CLNK: variants seen among roughly 807,000 people sequenced by gnomAD.
CLNK encodes cytokine dependent hematopoietic cell linker, also known as cytokine-dependent hematopoietic cell linker.
Under a neutral mutation model 68.6 loss-of-function variants are expected in CLNK, and 74 were observed. The ratio of observed to expected loss-of-function variants is 1.08; its 90% CI spans 0.89 to 1.31. The LOEUF (loss-of-function observed/expected upper bound fraction) is 1.31, where lower values mean the gene tolerates loss of function less well. Ranked by LOEUF, CLNK falls within the 50% of genes most tolerant of loss-of-function variation. The probability of loss-of-function intolerance (pLI) is 0.00; values close to 1 mark genes in which losing one functional copy is unlikely to be tolerated. For synonymous variants in CLNK, 198 were observed against 172.2 expected (o/e 1.15, Z -1.17); for missense variants, 553 against 515.3 (o/e 1.07, Z -0.71).
At chr4:10,555,449 T>C (rs902562948) in intron 8 of CLNK, among the ~76,000 whole-genome samples, 2 of 152,252 alleles carry the variant, frequency 1.3e-5, no homozygotes, top group Admixed American at 6.5e-5. Context: ...TCTAGATCTA[T>C]GGTTAATGCT....
At chr4:10,727,701 G>T in the CLNK span, among the ~76,000 whole-genome samples, 4 of 152,182 alleles carry the variant, frequency 2.6e-5, no homozygotes, top group Non-Finnish European at 4.4e-5. Flanking sequence ...TGAGAAGAGG[G>T]AAGTGGAGAC....
intron 7 of CLNK, 80 bp downstream of exon 7, chr4:10,564,591 G>T: frequency 1.1e-6 from 1 of 946,984 alleles, no homozygotes; most frequent in Non-Finnish European, 1.7e-6. Context: ...ATGGCCTGGG[G>T]GACAGGAGAT....
chr4:10,606,509 A>G (rs1471173701), intron 2 of CLNK, among the ~76,000 whole-genome samples: 1 of 152,210 alleles, frequency 6.6e-6, no homozygotes, highest in Non-Finnish European at 1.5e-5. Flanking sequence ...TATATAAACC[A>G]GTAACATAGT....
Position 10,489,669 on chromosome 4 carries a change from C to CTTTTTTTTTTTTTTTTTTTT in CLNK, c.*797_*798insAAAAAAAAAAAAAAAAAAAA. On this transcript the variant is annotated 3_prime_UTR_variant, in exon 19 of 19. Transcript: ENST00000226951. ...GAGCTAATATTCACCAACCCAACAC[C>CTTTTTTTTTTTTTTTTTTTT]TTTTTTTTTTTTTGAGACGGAGTCT... 2.1e-4 allele frequency: 13 copies of CTTTTTTTTTTTTTTTTTTTT among 62,328 alleles called. 1 individual carries two copies. The highest frequency in any genetic ancestry group is 3.0e-4 in the Non-Finnish European group (8 of 26,728). 3.9% of individuals were successfully genotyped at this position (62,328 alleles called of 1,614,324 possible).
In CLNK at chr4:10,597,992, A is replaced by G; in HGVS notation, c.69T>C (p.Ser23=). ...AATATTCTGACCTGTTTTTTGGCAGACTGAAGTTCTGGAATTTCAAATCGT... is the reference window on the plus strand; with the variant it reads ...AATATTCTGACCTGTTTTTTGGCAGGCTGAAGTTCTGGAATTTCAAATCGT... ...GSNDLKFQNF[S]LPKNRSWPRI... The change falls in exon 3 of 19, where the codon AGT becomes AGC. Residue 23 remains serine, a synonymous_variant. Transcript: ENST00000226951. 1 of 1,583,800 alleles carries G rather than the reference A, an allele frequency of 6.3e-7. No homozygotes were observed. Among genetic ancestry groups the G allele is most frequent in the Non-Finnish European group, 8.6e-7 (1 of 1,162,858 alleles).
At chr4:10,494,818 G>A (rs1353747123) in intron 18 of CLNK, among the ~76,000 whole-genome samples, 1 of 152,152 alleles carries the variant, frequency 6.6e-6, no homozygotes, top group East Asian at 1.9e-4. Context: ...TTGCCCTGAA[G>A]AGACTTTTTA....
At chr4:10,520,769 A>G (rs1010433803) in intron 15 of CLNK, 22 bp downstream of exon 15, 4 of 1,584,568 alleles carry the variant, frequency 2.5e-6, no homozygotes, top group East Asian at 2.2e-5. Context: ...TGTTTATTTT[A>G]TAATTCTGAA....
At chr4:10,512,173 A>G (rs1164273013) in intron 16 of CLNK, among the ~76,000 whole-genome samples, 2 of 152,162 alleles carry the variant, frequency 1.3e-5, no homozygotes, top group Non-Finnish European at 2.9e-5. Context: ...GTTTACGAAG[A>G]AGATGAAAGA....
At chr4:10,594,279 C>T (rs566146633) in intron 3 of CLNK, among the ~76,000 whole-genome samples, 94 of 152,308 alleles carry the variant, frequency 6.2e-4, no homozygotes, top group African/African-American at 2.2e-3. Flanking sequence ...CCAATCTCCC[C>T]CCATCCTCTG....
intron 2 of CLNK, among the ~76,000 whole-genome samples, chr4:10,607,666 G>T (rs907480615): frequency 1.3e-5 from 2 of 152,174 alleles, no homozygotes; most frequent in Non-Finnish European, 1.5e-5. Context: ...AGCAGCTGCA[G>T]CATTAGGGAC....
chr4:10,598,570 C>G, intron 2 of CLNK: 1 of 320,688 alleles, frequency 3.1e-6, no homozygotes, highest in Non-Finnish European at 6.2e-6. Context: ...GCAACAGCCA[C>G]TCTGATTCAA....
intron 1 of CLNK, among the ~76,000 whole-genome samples, chr4:10,670,635 C>T (rs1724589881): frequency 6.6e-6 from 1 of 152,124 alleles, no homozygotes; most frequent in Non-Finnish European, 1.5e-5. Flanking sequence ...TCTGGGCTTT[C>T]GTTTCTTCAC....
At chr4:10,709,019 A>C in the CLNK span, among the ~76,000 whole-genome samples, 1 of 152,250 alleles carries the variant, frequency 6.6e-6, no homozygotes, top group Admixed American at 6.5e-5. Context: ...ACCAAACAGC[A>C]TTAAAATACT....
chr4:10,496,704 T>A (rs1716823254), intron 18 of CLNK, among the ~76,000 whole-genome samples: 1 of 152,188 alleles, frequency 6.6e-6, no homozygotes, highest in South Asian at 2.1e-4. Context: ...TCTAAGGACT[T>A]CCTAGAACCA....
the CLNK span, among the ~76,000 whole-genome samples, chr4:10,709,903 A>C: frequency 6.6e-6 from 1 of 152,170 alleles, no homozygotes; most frequent in African/African-American, 2.4e-5. Flanking sequence ...CCCTGCTGAC[A>C]TCACTGATGC....
chr4:10,557,475 G>A (rs913860894), intron 8 of CLNK, among the ~76,000 whole-genome samples: 2 of 152,168 alleles, frequency 1.3e-5, no homozygotes, highest in Non-Finnish European at 2.9e-5. Flanking sequence ...CGGGACCAGT[G>A]ATCACTGCTC....
the CLNK span, among the ~76,000 whole-genome samples, chr4:10,734,078 C>T: frequency 4.6e-5 from 7 of 152,174 alleles, no homozygotes; most frequent in African/African-American, 1.7e-4. Context: ...TATGTGCCTG[C>T]ACTTCTGTGA....
chr4:10,705,925 A>C, the CLNK span, among the ~76,000 whole-genome samples: 1 of 152,242 alleles, frequency 6.6e-6, no homozygotes, highest in Non-Finnish European at 1.5e-5. Context: ...AGAAGCCCAT[A>C]GGCTCTGGTT....
chr4:10,624,536 C>A (rs1483969625), intron 2 of CLNK, among the ~76,000 whole-genome samples: 1 of 151,766 alleles, frequency 6.6e-6, no homozygotes, highest in East Asian at 1.9e-4. Flanking sequence ...TCGTGATCTG[C>A]CTGCCTTAGC....
Sources: gnomAD v4.1 joint callset for allele counts (sites outside exome capture counted in the v4.1 genomes callset) on GRCh38, gnomAD v4.1.1 for gene constraint, MANE v1.5 for transcripts, NCBI Gene and HGNC (gene_info 2026-07-23, HGNC 2026-07-21) for gene names.